Variants in FREM2 observed in about 807,000 individuals in gnomAD.
FREM2 encodes FRAS1 related extracellular matrix 2.
Under a neutral mutation model 219.9 loss-of-function variants are expected in FREM2, and 119 were observed. The observed-to-expected ratio is 0.54, with a 90% CI of 0.47 to 0.63. The LOEUF is 0.63. Among genes scored for constraint, FREM2 ranks in the 30% least tolerant of loss-of-function variants. FREM2 has a pLI of 0.00. For synonymous variants in FREM2, 1,562 were observed against 1,522.8 expected, an observed-to-expected ratio of 1.03 and a Z score of -0.60; for missense variants, 4,030 against 3,993.6, an observed-to-expected ratio of 1.01 and a Z score of -0.25.
chr13:38,799,072 G>A (rs1874907663), intron 6 of FREM2, among the ~76,000 whole-genome samples: 1 of 151,776 alleles, frequency 6.6e-6, no homozygotes, highest in African/African-American at 2.4e-5. Flanking sequence ...TCATTATGTT[G>A]TTTATTTGAA....
At chr13:38,754,304 C>G (rs1872894474) in intron 2 of FREM2, among the ~76,000 whole-genome samples, 1 of 152,144 alleles carries the variant, frequency 6.6e-6, no homozygotes, top group Admixed American at 6.5e-5. Context: ...TCACTATTCA[C>G]TAGAATGAGA....
intron 11 of FREM2, among the ~76,000 whole-genome samples, chr13:38,852,368 T>C (rs909223451): frequency 6.6e-6 from 1 of 152,238 alleles, no homozygotes; most frequent in Non-Finnish European, 1.5e-5. Flanking sequence ...GTATATGTGT[T>C]AGGACTTAGG....
intron 3 of FREM2, among the ~76,000 whole-genome samples, chr13:38,765,145 C>G (rs1873385686): frequency 6.6e-6 from 1 of 152,286 alleles, no homozygotes; most frequent in Admixed American, 6.5e-5. Context: ...CTCCTGACCT[C>G]GTAATCTGCC....
In FREM2 at chr13:38,691,468, T is replaced by C. The variant is rs749115128; in HGVS notation, c.4124T>C (p.Val1375Ala). The C allele has an allele frequency of 1.2e-6, 2 of 1,614,164 alleles. No individual in the cohort carries two copies. The highest frequency in any genetic ancestry group is 1.7e-6 in the Non-Finnish European group (2 of 1,180,016). The stretch of plus-strand genomic sequence containing the variant: ...GGCATGAATTTTACCCAGGATGAAG[T>C]AGACAGAAACTTAATTCAGTATGTC... ...TLGMNFTQDEVDRNLIQYVHL... is the reference protein window; with the variant it reads ...TLGMNFTQDEADRNLIQYVHL... The change falls in exon 1 of 24, where the codon GTA becomes GCA. Residue 1375 changes from valine (V) to alanine (A), a missense_variant. Physicochemically the swap from Val to Ala is moderately conservative, Grantham distance 64 (BLOSUM62 0). Transcript: ENST00000280481.
chr13:38,826,967 A>G (rs890367719), intron 6 of FREM2, among the ~76,000 whole-genome samples: 2 of 152,046 alleles, frequency 1.3e-5, no homozygotes, highest in South Asian at 4.1e-4. Flanking sequence ...ACATATTCTA[A>G]TTTTCTCTTA....
chr13:38,850,464 A>G (rs1369812377), intron 9 of FREM2, among the ~76,000 whole-genome samples: 1 of 152,202 alleles, frequency 6.6e-6, no homozygotes, highest in Non-Finnish European at 1.5e-5. Flanking sequence ...TTTATTCAAA[A>G]CTTATTCAGT....
intron 3 of FREM2, 21 bp downstream of exon 3, chr13:38,764,471 CTG>C: frequency 1.5e-6 from 2 of 1,376,662 alleles, no homozygotes; most frequent in Non-Finnish European, 2.0e-6. Flanking sequence ...TTTTTTATTT[CTG>C]TTTTAAAATT....
At chr13:38,701,322 C>T (rs747288599) in intron 2 of FREM2, among the ~76,000 whole-genome samples, 3 of 152,108 alleles carry the variant, frequency 2.0e-5, no homozygotes, top group Non-Finnish European at 4.4e-5. Context: ...GCGGCTTCAT[C>T]TAATGAGCTC....
intron 2 of FREM2, among the ~76,000 whole-genome samples, chr13:38,732,276 G>A (rs1310134174): frequency 3.3e-5 from 5 of 152,106 alleles, no homozygotes; most frequent in Admixed American, 2.6e-4. Flanking sequence ...AAATCAGAAC[G>A]TGTCAATTCA....
intron 14 of FREM2, 96 bp downstream of exon 14, chr13:38,859,686 T>C (rs1187787842): frequency 1.2e-5 from 13 of 1,125,574 alleles, no homozygotes; most frequent in Non-Finnish European, 1.7e-5. Context: ...ATGTCCCACA[T>C]ATTCCATATA....
chr13:38,775,800 G>A (rs1873847919), intron 4 of FREM2, among the ~76,000 whole-genome samples: 1 of 152,058 alleles, frequency 6.6e-6, no homozygotes. Flanking sequence ...TGTATTTTTA[G>A]TAGAAACGGG....
chr13:38,878,314 A>G lies in FREM2; in HGVS notation c.8852A>G (p.Lys2951Arg). Residue 2951 changes from lysine (K) to arginine (R), a missense_variant, in exon 22 of 24, where the codon AAA becomes AGA. By Grantham distance (26) the Lys-to-Arg change is conservative. This residue lies in a region of FREM2 where 928 missense variants were observed against 1,042.9 expected (regional missense o/e 0.89). Transcript: ENST00000280481. ...TCTCCTTCACTCTTATATAGATTTA[A>G]AATTGTGGTAAGTGCTTTGACCCAA... is the stretch of plus-strand genomic sequence containing the variant. ...ADSPSLLYRF[K>R]IVDKAQPETQ... The G allele has an allele frequency of 6.2e-7, 1 of 1,612,408 alleles. No individual in the cohort carries two copies. Among genetic ancestry groups the G allele is most frequent in the Admixed American group, 1.7e-5 (1 of 59,786 alleles).
intron 2 of FREM2, among the ~76,000 whole-genome samples, chr13:38,750,318 C>T (rs576648921): frequency 3.3e-5 from 5 of 152,186 alleles, no homozygotes; most frequent in East Asian, 1.9e-4. Context: ...ATGGGTCTCA[C>T]GAGATCCGAT....
At chr13:38,792,657 C>T (rs1361686992) in intron 6 of FREM2, among the ~76,000 whole-genome samples, 7 of 152,168 alleles carry the variant, frequency 4.6e-5, no homozygotes, top group Non-Finnish European at 4.4e-5. Flanking sequence ...TCTGTGTCTT[C>T]AGTCATCCAC....
At chr13:38,756,878 C>T (rs1001619600) in intron 2 of FREM2, among the ~76,000 whole-genome samples, 1 of 151,902 alleles carries the variant, frequency 6.6e-6, no homozygotes, top group Non-Finnish European at 1.5e-5. Context: ...AAATCACCAA[C>T]AAATAGCAGA....
At chr13:38,692,879 T>C (rs1869955039) in intron 1 of FREM2, among the ~76,000 whole-genome samples, 1 of 152,190 alleles carries the variant, frequency 6.6e-6, no homozygotes, top group Non-Finnish European at 1.5e-5. Flanking sequence ...ATGAAGCATT[T>C]TGGCACCTTA....
In FREM2 at chr13:38,691,089, G is replaced by T. The variant is rs765128549; in HGVS notation, c.3745G>T (p.Val1249Phe). 2.5e-5 allele frequency: 40 copies of T among 1,613,966 alleles called. No homozygotes were observed. Among genetic ancestry groups the T allele is most frequent in the Non-Finnish European group, 2.6e-5 (31 of 1,180,030 alleles). Residue 1249 changes from valine to phenylalanine, a missense_variant, in exon 1 of 24, where the codon GTC (valine) becomes TTC (phenylalanine). Physicochemically the swap from Val to Phe is conservative, Grantham distance 50 (BLOSUM62 -1). This residue lies in a region of FREM2 where 3,102 missense variants were observed against 2,950.7 expected (regional missense o/e 1.05). Transcript: ENST00000280481. ...TCAGCTGATAAATGGCACGGTTTTGGTCGAAAGCTTCACCTTGGATCAGAT... is the reference window on the plus strand; with the variant it reads ...TCAGCTGATAAATGGCACGGTTTTGTTCGAAAGCTTCACCTTGGATCAGAT... ...MNQLINGTVL[V>F]ESFTLDQIIE...
chr13:38,868,539 T>C (rs575057820), intron 16 of FREM2, among the ~76,000 whole-genome samples: 2 of 152,224 alleles, frequency 1.3e-5, no homozygotes, highest in South Asian at 2.1e-4. Context: ...GAAATGGATA[T>C]GGTCATGGAT....
At chr13:38,794,472 A>G (rs1331649365) in intron 6 of FREM2, among the ~76,000 whole-genome samples, 1 of 152,218 alleles carries the variant, frequency 6.6e-6, no homozygotes, top group East Asian at 1.9e-4. Flanking sequence ...TACCACGTGC[A>G]AATATTTCAC....
Sources: allele counts gnomAD v4.1 joint callset (sites outside exome capture counted in the v4.1 genomes callset), GRCh38; gene constraint gnomAD v4.1.1; regional missense constraint gnomAD v4.1.1; transcripts MANE v1.5; gene names NCBI Gene and HGNC (gene_info 2026-07-23, HGNC 2026-07-21).